The following MRS2 variants were observed in gnomAD, a reference collection of about 807,000 sequenced individuals.
The protein encoded by MRS2 is magnesium transporter MRS2 homolog, mitochondrial.
In MRS2, 40 loss-of-function variants were observed where a neutral mutation model predicts 52.6. That is an observed-to-expected ratio of 0.76 (90% CI 0.59 to 0.99). The LOEUF (loss-of-function observed/expected upper bound fraction) is 0.99. Ranked by LOEUF, MRS2 falls within the 50% of genes least tolerant of loss-of-function variation. The pLI is 0.00. For missense variants in MRS2, 472 were observed against 532.7 expected, an observed-to-expected ratio of 0.89 and a Z score of 1.12; for synonymous variants, 193 against 195.9, an observed-to-expected ratio of 0.98 and a Z score of 0.13.
rs114959453 is a variant in MRS2, at chr6:24,423,690, G to A, written c.1328G>A (p.Arg443His). 2.5e-3 allele frequency: 3,991 copies of A among 1,580,210 alleles called. 26 individuals carry two copies. Among genetic ancestry groups the A allele is most frequent in the Middle Eastern group, 0.023 (140 of 5,968 alleles). The change falls in exon 11 of 11, where the codon CGT (arginine) becomes CAT (histidine). Residue 443 changes from arginine (R) to histidine (H), a missense_variant. Coordinates refer to ENST00000378386, the MANE Select transcript of MRS2 (RefSeq NM_020662.4). ...LGSGRSILTN[R>H] ...TCAGGAAGGAGCATCCTAACAAACC[G>A]TTAGGAACAGCCCCGTGGATACTGA...
chr6:24,411,279 A>AG (rs1305120861), intron 4 of MRS2, among the ~76,000 whole-genome samples: 1 of 152,198 alleles, frequency 6.6e-6, no homozygotes, highest in Non-Finnish European at 1.5e-5. Flanking sequence ...TCACTGATAA[A>AG]GTGGCTACCT....
rs1762142562 is a variant in MRS2 at position 24,423,947 on chromosome 6, G to A, written c.*253G>A. 1 of 237,026 alleles carries A rather than the reference G, an allele frequency of 4.2e-6. No individual in the cohort carries two copies. Among genetic ancestry groups the A allele is most frequent in the Admixed American group, 5.0e-5 (1 of 19,844 alleles). 14.7% of individuals were successfully genotyped at this position (237,026 alleles called of 1,614,324 possible). ...CTTTAAATGCTGTTTTTATAGATGT[G>A]ATATGAGGCAACACAAGCACAGACA... On this transcript the variant is annotated 3_prime_UTR_variant, in exon 11 of 11. Coordinates refer to ENST00000378386, the MANE Select transcript of MRS2 (RefSeq NM_020662.4).
rs1561806874 is a variant in MRS2 at position 24,408,391 on chromosome 6, T to A, written c.265-17T>A. On this transcript the variant is annotated splice_polypyrimidine_tract_variant and intron_variant, in intron 2 of 10. Transcript: ENST00000378386. ...ATTTGAAAGAAAATCATAATTTGTT[T>A]TATTCTCTATTTTCAGACAAAATTT... 6.6e-7 allele frequency: 1 copy of A among 1,511,276 alleles called. No individual in the cohort carries two copies. Among genetic ancestry groups the A allele is most frequent in the South Asian group, 1.1e-5 (1 of 88,158 alleles). The allele number at this position is 1,511,276 out of a possible 1,614,324, so 93.6% of individuals were successfully genotyped here.
intron 9 of MRS2, among the ~76,000 whole-genome samples, chr6:24,421,870 TG>T (rs1203890368): frequency 3.3e-5 from 5 of 152,158 alleles, no homozygotes; most frequent in Non-Finnish European, 7.4e-5. Flanking sequence ...CATATAGGAC[TG>T]GGGGTTGTGG....
At chr6:24,408,833 C>T (rs1761560465) in intron 3 of MRS2, among the ~76,000 whole-genome samples, 1 of 152,156 alleles carries the variant, frequency 6.6e-6, no homozygotes, top group Non-Finnish European at 1.5e-5. Context: ...ATACCACTGA[C>T]ATTGCAGTGG....
chr6:24,409,434 A>G, intron 3 of MRS2, 27 bp from the exon 4 acceptor site: 1 of 1,395,602 alleles, frequency 7.2e-7, no homozygotes, highest in Non-Finnish European at 1.0e-6. Context: ...TATTTGGTTT[A>G]GCCCTCTCTG....
intron 2 of MRS2, among the ~76,000 whole-genome samples, chr6:24,405,521 A>ACTTGCAGAACCT (rs1761438086): frequency 6.6e-6 from 1 of 152,100 alleles, no homozygotes; most frequent in Non-Finnish European, 1.5e-5. Flanking sequence ...TCTGCAAGAT[A>ACTTGCAGAACCT]ATACGCAGGC....
intron 2 of MRS2, 114 bp downstream of exon 2, chr6:24,405,355 C>T (rs1030142694): frequency 1.3e-6 from 1 of 755,330 alleles, no homozygotes; most frequent in Non-Finnish European, 2.2e-6. Flanking sequence ...ATCATCATAG[C>T]TACATGTCGT....
chr6:24,413,961 ACT>A (rs1003550420), intron 5 of MRS2, among the ~76,000 whole-genome samples: 3 of 152,204 alleles, frequency 2.0e-5, no homozygotes, highest in African/African-American at 7.2e-5. Flanking sequence ...TTTTGACTTT[ACT>A]CTGATATGTT....
intron 9 of MRS2, among the ~76,000 whole-genome samples, chr6:24,422,401 G>A (rs1041615338): frequency 6.6e-6 from 1 of 152,210 alleles, no homozygotes; most frequent in South Asian, 2.1e-4. Flanking sequence ...CGGTGAGGAA[G>A]AATGTTTTTC....
At position 24,412,410 on chromosome 6, in the gene MRS2, AT is replaced by A; in HGVS notation, c.588+18del. On this transcript the variant is annotated intron_variant, in intron 5 of 10. Coordinates refer to ENST00000378386, the MANE Select transcript of MRS2 (RefSeq NM_020662.4). The stretch of plus-strand genomic sequence containing the variant: ...TGCAATATTGGGTAAGTCTGTTTTT[AT>A]TTAGCTTCTTGGGTTTATTCTGATT... 1 of 1,512,522 alleles carries A rather than the reference AT, an allele frequency of 6.6e-7. No homozygotes were observed. The highest frequency in any genetic ancestry group is 1.3e-5 in the South Asian group (1 of 76,312). 93.7% of individuals were successfully genotyped at this position (1,512,522 alleles called of 1,614,324 possible). A position where few individuals can be genotyped will look rare whatever the true frequency, so the allele number is the denominator to read the frequency against.
rs369963120 is a variant in MRS2, at chr6:24,410,208, A to G, written c.414+635A>G. Among the ~76,000 whole-genome samples the G allele has an allele frequency of 1.0e-3, 152 of 152,196 alleles. 1 individual carries two copies. Among genetic ancestry groups the G allele is most frequent in the African/African-American group, 3.5e-3 (147 of 41,518 alleles). ...TGGTCAGGCTGCTCTGAAACTCCCG[A>G]CCTCAGGTGATCCACCTGCCTCTGC... On this transcript the variant is annotated intron_variant, in intron 4 of 10. Transcript: ENST00000378386.
chr6:24,416,257 T>G, intron 6 of MRS2, 140 bp from the exon 7 acceptor site: 2 of 381,142 alleles, frequency 5.2e-6, no homozygotes, highest in South Asian at 9.0e-5. Context: ...ATACTCAACT[T>G]TTTTTTTTTT....
chr6:24,420,942 G>C (rs1221008924), intron 9 of MRS2, among the ~76,000 whole-genome samples: 2 of 152,106 alleles, frequency 1.3e-5, no homozygotes, highest in East Asian at 3.9e-4. Flanking sequence ...AGTGGGATAG[G>C]AACCCACTGG....
intron 4 of MRS2, among the ~76,000 whole-genome samples, chr6:24,411,520 G>A (rs1319071714): frequency 6.6e-6 from 1 of 151,298 alleles, no homozygotes; most frequent in Non-Finnish European, 1.5e-5. Flanking sequence ...ACCTTATCTT[G>A]TTCCCTTTAT....
At chr6:24,406,352 T>G (rs1761475597) in intron 2 of MRS2, among the ~76,000 whole-genome samples, 1 of 152,166 alleles carries the variant, frequency 6.6e-6, no homozygotes, top group Non-Finnish European at 1.5e-5. Flanking sequence ...TTCATTAGGA[T>G]TATTTAGGCT....
intron 9 of MRS2, among the ~76,000 whole-genome samples, chr6:24,421,099 A>C (rs1762028505): frequency 6.6e-6 from 1 of 152,224 alleles, no homozygotes; most frequent in African/African-American, 2.4e-5. Context: ...TTTCTCTACA[A>C]GTCCCTGTCT....
In MRS2 at chr6:24,405,163, T is replaced by C. The variant is rs771273248; in HGVS notation, c.191-5T>C. On this transcript the variant is annotated splice_polypyrimidine_tract_variant and splice_region_variant and intron_variant, in intron 1 of 10. Coordinates refer to ENST00000378386, the MANE Select transcript of MRS2 (RefSeq NM_020662.4). ...CCACAGGAATTCTCTTAATTTATTC[T>C]TCAGGTGAAGTGCACCGGTTTAGAA... 3.7e-6 allele frequency: 6 copies of C among 1,611,404 alleles called. No individual in the cohort carries two copies. Among genetic ancestry groups the C allele is most frequent in the Middle Eastern group, 1.7e-4 (1 of 6,054 alleles).
chr6:24,412,265 A>G lies in MRS2; in HGVS notation c.458A>G (p.Asp153Gly). ...VITPECLLIL[D>G]YRNLNLEQWL... The stretch of plus-strand genomic sequence containing the variant: ...ACTCCAGAGTGTCTTCTGATATTAG[A>G]TTATCGTAATTTAAACTTAGAGCAA... Residue 153 changes from aspartate (D) to glycine (G), a missense_variant, in exon 5 of 11, where the codon GAT (aspartate) becomes GGT (glycine). Asp to Gly is a moderately conservative substitution (Grantham distance 94). Coordinates refer to ENST00000378386, the MANE Select transcript of MRS2 (RefSeq NM_020662.4). 6.3e-7 allele frequency: 1 copy of G among 1,599,356 alleles called. No individual in the cohort carries two copies. The highest frequency in any genetic ancestry group is 8.5e-7 in the Non-Finnish European group (1 of 1,175,036).
Sources: allele counts gnomAD v4.1 joint callset (sites outside exome capture counted in the v4.1 genomes callset), GRCh38; gene constraint gnomAD v4.1.1; transcripts MANE v1.5; gene names NCBI Gene and HGNC (gene_info 2026-07-23, HGNC 2026-07-21).